HCST: variants seen among roughly 807,000 people sequenced by gnomAD.
The protein encoded by HCST is DNAX-activation protein 10.
In HCST, 12 loss-of-function variants were observed where a neutral mutation model predicts 10.8. That is an observed-to-expected ratio of 1.12 (90% CI 0.72 to 1.81). The LOEUF (loss-of-function observed/expected upper bound fraction) is 1.81, where lower values mean the gene tolerates loss of function less well. Ranked by LOEUF, HCST falls within the 40% of genes most tolerant of loss-of-function variation. HCST has a pLI of 0.00. For synonymous variants in HCST, 59 were observed against 51.6 expected (o/e 1.14, Z -0.61); for missense variants, 102 against 117.9 (o/e 0.87, Z 0.62).
Position 35,904,116 on chromosome 19 carries a change from C to T in HCST, c.242-4C>T, listed in dbSNP as rs769463279. The stretch of plus-strand genomic sequence containing the variant: ...GCTTCATGCTTTCTCTCCCCTATCC[C>T]CAGAAGATGGCAAAGTCTACATCAA... On this transcript the variant is annotated splice_polypyrimidine_tract_variant and splice_region_variant and intron_variant, in intron 3 of 3. Transcript: ENST00000246551. 1.2e-6 allele frequency: 2 copies of T among 1,614,054 alleles called. No homozygotes were observed. Among genetic ancestry groups the T allele is most frequent in the Non-Finnish European group, 1.7e-6 (2 of 1,179,964 alleles).
chr19:35,903,674 C>A, intron 2 of HCST, 98 bp from the exon 3 acceptor site: 2 of 1,559,802 alleles, frequency 1.3e-6, no homozygotes, highest in South Asian at 1.1e-5. Flanking sequence ...ACCTGGGACC[C>A]GCCCCCTCGC....
intron 2 of HCST, 170 bp from the exon 3 acceptor site, chr19:35,903,602 T>G: frequency 9.1e-7 from 1 of 1,103,036 alleles, no homozygotes; most frequent in Admixed American, 2.1e-5. Flanking sequence ...CCGAGGGTCC[T>G]GGGACACCCC....
intron 2 of HCST, 163 bp downstream of exon 2, chr19:35,903,579 C>G (rs1291123028): frequency 9.8e-7 from 1 of 1,017,718 alleles, no homozygotes; most frequent in Non-Finnish European, 1.5e-6. Context: ...CCCCGTGTGC[C>G]CGCCGCACAG....
rs748000900 is a variant in HCST at position 35,903,787 on chromosome 19, G to A, written c.125G>A (p.Cys42Tyr). The change falls in exon 3 of 4, where the codon TGT becomes TAT. Residue 42 changes from cysteine (C) to tyrosine (Y), a missense_variant. Physicochemically the swap from Cys to Tyr is radical, Grantham distance 194. Transcript: ENST00000246551. ...YPGTSGSCSG[C>Y]GSLSLPLLAG... ...CACTCTCCAGGCTCTTGTTCCGGAT[G>A]TGGGTCCCTCTCTCTGCCGCTCCTG... The A allele has an allele frequency of 5.6e-6, 9 of 1,614,006 alleles. No homozygotes were observed. The East Asian group carries it at 1.1e-4, about 20-fold the overall frequency.
intron 3 of HCST, 98 bp downstream of exon 3, chr19:35,904,001 G>A: frequency 6.3e-7 from 1 of 1,583,404 alleles, no homozygotes; most frequent in Non-Finnish European, 8.6e-7. Context: ...AGGAGGTGCT[G>A]GGGAAACCCT....
intron 1 of HCST, 118 bp downstream of exon 1, chr19:35,902,754 T>A: frequency 9.6e-7 from 1 of 1,043,618 alleles, no homozygotes; most frequent in Non-Finnish European, 1.4e-6. Flanking sequence ...CCTTCCCTTC[T>A]GGGAGATCCA....
intron 2 of HCST, 68 bp downstream of exon 2, chr19:35,903,484 A>G: frequency 7.4e-7 from 1 of 1,347,810 alleles, no homozygotes; most frequent in Non-Finnish European, 1.1e-6. Flanking sequence ...CCAGGTCACC[A>G]TCCCACCTCC....
intron 2 of HCST, 153 bp downstream of exon 2, chr19:35,903,569 C>T (rs1337426501): frequency 9.1e-6 from 9 of 990,734 alleles, no homozygotes; most frequent in East Asian, 7.4e-5. Flanking sequence ...TTCAGGAGCA[C>T]CCCGTGTGCC....
Position 35,903,814 on chromosome 19 carries a change from C to T in HCST, c.152C>T (p.Ala51Val), listed in dbSNP as rs759213775. ...GCGSLSLPLL[A>V]GLVAADAVAS... ...GGGTCCCTCTCTCTGCCGCTCCTGG[C>T]AGGCCTCGTGGCTGCTGATGCGGTG... The change falls in exon 3 of 4, where the codon GCA becomes GTA. Residue 51 changes from alanine (A) to valine (V), a missense_variant. Coordinates refer to ENST00000246551, the MANE Select transcript of HCST (RefSeq NM_014266.4). The T allele has an allele frequency of 8.1e-6, 13 of 1,613,938 alleles. No individual in the cohort carries two copies. Among genetic ancestry groups the T allele is most frequent in the Non-Finnish European group, 1.0e-5 (12 of 1,180,024 alleles).
At chr19:35,903,138 GAACC>G in intron 1 of HCST, 1 of 520,050 alleles carries the variant, frequency 1.9e-6, no homozygotes, top group Admixed American at 3.1e-5. Context: ...TTACAGGTGT[GAACC>G]AACACTTCCA....
intron 1 of HCST, 114 bp downstream of exon 1, chr19:35,902,750 C>A: frequency 9.3e-7 from 1 of 1,069,996 alleles, no homozygotes. Context: ...CACCCCTTCC[C>A]TTCTGGGAGA....
chr19:35,902,737 C>A, intron 1 of HCST, 101 bp downstream of exon 1: 2 of 1,190,322 alleles, frequency 1.7e-6, no homozygotes, highest in South Asian at 1.3e-5. Flanking sequence ...GTTCTTCTCC[C>A]TGCACCCCTT....
chr19:35,904,084 T>G (rs375669695), intron 3 of HCST, 36 bp from the exon 4 acceptor site: 53 of 1,612,646 alleles, frequency 3.3e-5, no homozygotes, highest in Non-Finnish European at 4.2e-5. Context: ...GAGATATGGG[T>G]GGTCAAGCTT....
At position 35,903,901 on chromosome 19, in the gene HCST, A is replaced by G; in HGVS notation, c.239A>G (p.Gln80Arg). Residue 80 changes from glutamine (Q) to arginine (R), a missense_variant and splice_region_variant, in exon 3 of 4, where the codon CAA (glutamine) becomes CGA (arginine). Physicochemically the swap from Gln to Arg is conservative, Grantham distance 43 (BLOSUM62 1). Transcript: ENST00000246551. ...LCARPRRSPA[Q>R]EDGKVYINMP... ...GCACGCCCACGCCGCAGCCCCGCCC[A>G]AGGTGAGGGCGGAGATGGGCGGGGC... 6.2e-7 allele frequency: 1 copy of G among 1,610,848 alleles called. No individual in the cohort carries two copies. Among genetic ancestry groups the G allele is most frequent in the Admixed American group, 1.7e-5 (1 of 59,754 alleles).
chr19:35,903,655 C>G, intron 2 of HCST, 117 bp from the exon 3 acceptor site: 4 of 1,475,186 alleles, frequency 2.7e-6, no homozygotes, highest in Non-Finnish European at 3.7e-6. Context: ...CCAAGCGCAA[C>G]TCCAAGGAAC....
At chr19:35,903,320 A>C (rs1221708983) in intron 1 of HCST, 31 bp from the exon 2 acceptor site, 1 of 1,595,852 alleles carries the variant, frequency 6.3e-7, no homozygotes, top group East Asian at 2.2e-5. Context: ...CCTTCTCTCC[A>C]CCCTCATCCA....
In HCST at chr19:35,903,853, T is replaced by C; in HGVS notation, c.191T>C (p.Ile64Thr). 1 of 1,613,542 alleles carries C rather than the reference T, an allele frequency of 6.2e-7. No homozygotes were observed. Among genetic ancestry groups the C allele is most frequent in the Non-Finnish European group, 8.5e-7 (1 of 1,179,950 alleles). The change falls in exon 3 of 4, where the codon ATC (isoleucine) becomes ACC (threonine). Residue 64 changes from isoleucine (I) to threonine (T), a missense_variant. By Grantham distance (89) the Ile-to-Thr change is moderately conservative. Coordinates refer to ENST00000246551, the MANE Select transcript of HCST (RefSeq NM_014266.4). ...GCTGATGCGGTGGCATCGCTGCTCA[T>C]CGTGGGGGCGGTGTTCCTGTGCGCA... Reference protein sequence around the residue: ...VAADAVASLLIVGAVFLCARP... With the variant: ...VAADAVASLLTVGAVFLCARP...
chr19:35,902,995 GGTTT>G (rs1568501607), intron 1 of HCST: 2 of 416,944 alleles, frequency 4.8e-6, no homozygotes, highest in African/African-American at 2.0e-5. Flanking sequence ...CCTATTTTTT[GGTTT>G]GTTTATTTTG....
chr19:35,903,569 C>A (rs1337426501), intron 2 of HCST, 153 bp downstream of exon 2: 2 of 990,850 alleles, frequency 2.0e-6, no homozygotes, highest in African/African-American at 1.6e-5. Flanking sequence ...TTCAGGAGCA[C>A]CCCGTGTGCC....
Sources: gnomAD v4.1 joint callset for allele counts on GRCh38, gnomAD v4.1.1 for gene constraint, MANE v1.5 for transcripts, NCBI Gene and HGNC (gene_info 2026-07-23, HGNC 2026-07-21) for gene names.